The following MBNL1 variants were observed in gnomAD, a reference collection of about 807,000 sequenced individuals.
The protein encoded by MBNL1 is muscleblind-like protein 1.
Under a neutral mutation model 42.2 loss-of-function variants are expected in MBNL1, and 8 were observed. The observed-to-expected ratio is 0.19, with a 90% confidence interval of 0.11 to 0.34. MBNL1 has a LOEUF of 0.34. Ranked by LOEUF, MBNL1 falls within the 10% of genes least tolerant of loss-of-function variation. The pLI is 1.00. For missense variants in MBNL1, 309 were observed against 495.3 expected (o/e 0.62, Z 3.57); for synonymous variants, 169 against 173.9 (o/e 0.97, Z 0.22).
chr3:152,338,486 C>T (rs954751140), intron 2 of MBNL1: 3 of 985,386 alleles, frequency 3.0e-6, no homozygotes, highest in Non-Finnish European at 3.6e-6. Flanking sequence ...GCTTCCCAAG[C>T]TTTGGCTGTG....
intron 2 of MBNL1, among the ~76,000 whole-genome samples, chr3:152,306,989 C>CTTAT (rs1386965277): frequency 3.3e-5 from 5 of 152,058 alleles, no homozygotes; most frequent in East Asian, 1.9e-4. Flanking sequence ...TATAACTGTA[C>CTTAT]TTATTTATTT....
At chr3:152,344,402 C>T (rs951861607) in intron 2 of MBNL1, among the ~76,000 whole-genome samples, 7 of 152,114 alleles carry the variant, frequency 4.6e-5, no homozygotes, top group African/African-American at 1.7e-4. Context: ...TTTAGGTAGT[C>T]CTAACAGGTA....
chr3:152,340,735 G>A (rs1375550496), intron 2 of MBNL1: 3 of 1,614,072 alleles, frequency 1.9e-6, no homozygotes, highest in East Asian at 2.2e-5. Flanking sequence ...TGGATTCCGT[G>A]ATGGCTGAGA....
chr3:152,313,584 G>A (rs780176757), intron 2 of MBNL1, among the ~76,000 whole-genome samples: 1 of 152,112 alleles, frequency 6.6e-6, no homozygotes, highest in African/African-American at 2.4e-5. Flanking sequence ...AGATACTAAC[G>A]GTAGCCGTTT....
chr3:152,327,200 T>C (rs2080943264), intron 2 of MBNL1, among the ~76,000 whole-genome samples: 2 of 152,092 alleles, frequency 1.3e-5, no homozygotes, highest in South Asian at 4.2e-4. Context: ...AAAAGTTTTC[T>C]TTCCTTCCTT....
At chr3:152,440,116 C>T (rs2099127056) in intron 4 of MBNL1, among the ~76,000 whole-genome samples, 1 of 152,140 alleles carries the variant, frequency 6.6e-6, no homozygotes, top group Non-Finnish European at 1.5e-5. Flanking sequence ...CTTGTGTTTT[C>T]TGGCCTGAAT....
chr3:152,287,713 T>G (rs1207086380), intron 1 of MBNL1, among the ~76,000 whole-genome samples: 1 of 152,174 alleles, frequency 6.6e-6, no homozygotes, highest in South Asian at 2.1e-4. Flanking sequence ...TGCAGTTATT[T>G]CAGTTTATTA....
chr3:152,399,330 CATT>C (rs2098119284), intron 2 of MBNL1, among the ~76,000 whole-genome samples: 1 of 152,014 alleles, frequency 6.6e-6, no homozygotes, highest in Non-Finnish European at 1.5e-5. Flanking sequence ...TTGTCTCATC[CATT>C]ATTACCTTTT....
Position 152,440,397 on chromosome 3 carries a change from G to A in MBNL1, c.550-4885G>A, listed in dbSNP as rs988221285. ...ATGGCTAGGGAGACCTCACAATCAT[G>A]GCAGAAGGCGGAAAGCACGTTTTGC... On this transcript the variant is annotated intron_variant, in intron 4 of 9. Coordinates refer to ENST00000324210, the MANE Select transcript of MBNL1 (RefSeq NM_021038.5). 7.2e-5 allele frequency among the ~76,000 whole-genome samples: 11 copies of A among 152,290 alleles called. No homozygotes were observed. In the East Asian group the frequency reaches 2.1e-3, roughly 29 times the overall value.
chr3:152,278,788 A>G (rs1475896923), intron 1 of MBNL1, among the ~76,000 whole-genome samples: 3 of 152,050 alleles, frequency 2.0e-5, no homozygotes, highest in Non-Finnish European at 4.4e-5. Flanking sequence ...ATAATCAGTT[A>G]ACAAACATAT....
At chr3:152,342,417 T>G (rs2093446523) in intron 2 of MBNL1, among the ~76,000 whole-genome samples, 1 of 152,152 alleles carries the variant, frequency 6.6e-6, no homozygotes, top group African/African-American at 2.4e-5. Flanking sequence ...TGCCAAGCAC[T>G]TAGCACAATG....
chr3:152,274,119 T>A (rs1452578389), intron 1 of MBNL1, among the ~76,000 whole-genome samples: 3 of 152,210 alleles, frequency 2.0e-5, no homozygotes, highest in Non-Finnish European at 4.4e-5. Flanking sequence ...TCCAAAAATT[T>A]GTATTTGACA....
At chr3:152,340,469 G>A (rs1008955000) in intron 2 of MBNL1, 158 of 1,509,786 alleles carry the variant, frequency 1.0e-4, no homozygotes, top group Non-Finnish European at 1.4e-4. Context: ...ATCAGACTAT[G>A]TGAATTTATA....
chr3:152,358,286 A>T (rs1049892647), intron 2 of MBNL1, among the ~76,000 whole-genome samples: 2 of 152,182 alleles, frequency 1.3e-5, no homozygotes, highest in Non-Finnish European at 2.9e-5. Context: ...TTGATTAGTG[A>T]TATTTTATTA....
intron 2 of MBNL1, among the ~76,000 whole-genome samples, chr3:152,398,263 C>G (rs944915651): frequency 6.6e-6 from 1 of 151,786 alleles, no homozygotes; most frequent in African/African-American, 2.4e-5. Flanking sequence ...AGTTTCAGAA[C>G]AGTTGATTAA....
At chr3:152,352,360 G>T (rs926836924) in intron 2 of MBNL1, among the ~76,000 whole-genome samples, 8 of 152,038 alleles carry the variant, frequency 5.3e-5, no homozygotes, top group Admixed American at 2.0e-4. Context: ...TTTTCTTCTA[G>T]AGAGTCCCAG....
rs78825511 is a variant in MBNL1 at position 152,287,620 on chromosome 3, C to T, written c.-789-11785C>T. Reference sequence around the variant, plus strand: ...GGTATATATTTTTAATAGTTACCCACGAGTCACTGATTCAGATAATCCAAT... The same window carrying T: ...GGTATATATTTTTAATAGTTACCCATGAGTCACTGATTCAGATAATCCAAT... On this transcript the variant is annotated intron_variant, in intron 1 of 9. Transcript: ENST00000324210. Among the ~76,000 whole-genome samples the T allele has an allele frequency of 1.4e-3, 212 of 152,304 alleles. No homozygotes were observed. In the South Asian group the frequency reaches 0.019, roughly 14 times the overall value.
At chr3:152,359,887 G>C (rs1330436514) in intron 2 of MBNL1, among the ~76,000 whole-genome samples, 1 of 152,148 alleles carries the variant, frequency 6.6e-6, no homozygotes, top group Non-Finnish European at 1.5e-5. Context: ...TCTGCAGTTA[G>C]ACCAGTCTCA....
chr3:152,339,669 A>T lies in MBNL1; in HGVS notation c.174+39302A>T, dbSNP rs1238584078. On this transcript the variant is annotated intron_variant, in intron 2 of 9. Transcript: ENST00000324210. ...TTGTTGAAATTAACGCTATTAGCTTACTACCACATTGGAGCCCTTTAATTT... is the reference window on the plus strand; with the variant it reads ...TTGTTGAAATTAACGCTATTAGCTTTCTACCACATTGGAGCCCTTTAATTT... 7.9e-5 allele frequency: 12 copies of T among 152,290 alleles called. No individual in the cohort carries two copies. In the East Asian group the frequency reaches 2.3e-3, roughly 29 times the overall value. The allele number at this position is 152,290 out of a possible 1,614,324, so 9.4% of individuals were successfully genotyped here. A position where few individuals can be genotyped will look rare whatever the true frequency, so the allele number is the denominator to read the frequency against.
Sources: allele counts gnomAD v4.1 joint callset (sites outside exome capture counted in the v4.1 genomes callset), GRCh38; gene constraint gnomAD v4.1.1; transcripts MANE v1.5; gene names NCBI Gene and HGNC (gene_info 2026-07-23, HGNC 2026-07-21).